The following CASK variants were observed in gnomAD, a reference collection of about 807,000 sequenced individuals.
CASK encodes the protein peripheral plasma membrane protein CASK.
In CASK, 4 loss-of-function variants were observed where a neutral mutation model predicts 82.9. That is an observed-to-expected ratio of 0.05 (90% CI 0.02 to 0.11). CASK has a LOEUF of 0.11. Among genes scored for constraint, CASK ranks in the 10% least tolerant of loss-of-function variants. The probability of loss-of-function intolerance (pLI) is 1.00; values close to 1 mark genes in which losing one functional copy is unlikely to be tolerated. For missense variants in CASK, 358 were observed against 720.9 expected (o/e 0.50, Z 5.76); for synonymous variants, 259 against 253.5 (o/e 1.02, Z -0.20).
intron 15 of CASK, among the ~76,000 whole-genome samples, chrX:41,577,048 C>T (rs769386579): frequency 8.9e-6 from 1 of 112,109 alleles, no homozygotes; most frequent in Non-Finnish European, 1.9e-5. Context: ...TTTTCTATAT[C>T]CTAATATCCC....
intron 1 of CASK, among the ~76,000 whole-genome samples, chrX:41,856,668 C>T (rs941408483): frequency 1.8e-5 from 2 of 109,199 alleles, no homozygotes; most frequent in East Asian, 5.8e-4. Context: ...TGGTGGCGGG[C>T]GCCTGTAGTC....
At chrX:41,658,590 G>A (rs1282428489) in intron 8 of CASK, among the ~76,000 whole-genome samples, 1 of 111,850 alleles carries the variant, frequency 8.9e-6, no homozygotes, top group Admixed American at 9.5e-5. Context: ...AGAAAAAGAG[G>A]AGGAGCAAGG....
At chrX:41,681,454 T>C (rs2067353284) in intron 5 of CASK, among the ~76,000 whole-genome samples, 1 of 112,105 alleles carries the variant, frequency 8.9e-6, no homozygotes. Flanking sequence ...CTCCCTCCTG[T>C]TGCTGTTGCA....
chrX:41,765,668 G>T (rs1389562565), intron 3 of CASK, among the ~76,000 whole-genome samples: 1 of 110,984 alleles, frequency 9.0e-6, no homozygotes, highest in East Asian at 2.8e-4. Flanking sequence ...AAGAAGGGGG[G>T]TGGCACAAAA....
At chrX:41,586,728 C>T (rs777683244) in intron 14 of CASK, 179 bp downstream of exon 14, 9 of 424,851 alleles carry the variant, frequency 2.1e-5, no homozygotes, top group Non-Finnish European at 3.3e-5. Flanking sequence ...ACAGTTGTGA[C>T]ACAAAGTAAA....
At chrX:41,875,696 AG>A (rs1384624908) in intron 1 of CASK, among the ~76,000 whole-genome samples, 4 of 72,865 alleles carry the variant, frequency 5.5e-5, no homozygotes, top group African/African-American at 2.1e-4. Flanking sequence ...ATAATGATGA[AG>A]AAAAAAAAAA....
At chrX:41,698,882 T>C (rs1328652535) in intron 5 of CASK, among the ~76,000 whole-genome samples, 1 of 111,402 alleles carries the variant, frequency 9.0e-6, no homozygotes, top group Non-Finnish European at 1.9e-5. Context: ...CAGAACTGAG[T>C]TTATTTTAAT....
At chrX:41,874,375 G>C (rs1195342) in intron 1 of CASK, among the ~76,000 whole-genome samples, 21,560 of 110,208 alleles carry the variant, frequency 0.2, 1,677 homozygotes, top group Middle Eastern at 0.3. Flanking sequence ...CCCTCCATGT[G>C]CATATGTTCT....
chrX:41,598,354 C>CT (rs2065851770), intron 12 of CASK, among the ~76,000 whole-genome samples: 1 of 110,012 alleles, frequency 9.1e-6, no homozygotes, highest in East Asian at 2.8e-4. Flanking sequence ...AAGTTTTTTT[C>CT]TTTTTTCTTT....
intron 5 of CASK, among the ~76,000 whole-genome samples, chrX:41,687,277 C>T (rs1199651479): frequency 8.9e-6 from 1 of 112,360 alleles, no homozygotes; most frequent in Non-Finnish European, 1.9e-5. Flanking sequence ...GCATTATTCA[C>T]ATTAGTCAAG....
At chrX:41,585,074 C>A (rs769713647) in intron 14 of CASK, 1 of 112,253 alleles carries the variant, frequency 8.9e-6, no homozygotes, top group Admixed American at 9.4e-5. Context: ...GGCAGGCCAG[C>A]AAGCATTAGA....
At chrX:41,675,520 A>G (rs1479369604) in intron 5 of CASK, among the ~76,000 whole-genome samples, 2 of 112,437 alleles carry the variant, frequency 1.8e-5, no homozygotes, top group African/African-American at 6.5e-5. Context: ...ACTTGTATAA[A>G]AATTCCACAT....
intron 12 of CASK, among the ~76,000 whole-genome samples, chrX:41,606,472 C>T (rs752742491): frequency 1.9e-4 from 21 of 111,547 alleles, no homozygotes; most frequent in Admixed American, 1.7e-3. Context: ...AGGCTGGTCT[C>T]GAACTCCTGA....
chrX:41,649,157 C>T (rs2066818489), intron 8 of CASK, among the ~76,000 whole-genome samples: 1 of 111,094 alleles, frequency 9.0e-6, no homozygotes, highest in Admixed American at 9.6e-5. Flanking sequence ...TCTTATTAGT[C>T]TTGCTAGCGG....
intron 2 of CASK, among the ~76,000 whole-genome samples, chrX:41,792,472 T>C (rs1206653476): frequency 2.7e-5 from 3 of 109,529 alleles, no homozygotes; most frequent in African/African-American, 6.7e-5. Context: ...AAATAGTTTA[T>C]AGAGACAGAG....
intron 5 of CASK, among the ~76,000 whole-genome samples, chrX:41,714,673 T>C (rs959404951): frequency 1.8e-5 from 2 of 111,615 alleles, no homozygotes; most frequent in African/African-American, 3.3e-5. Flanking sequence ...TACTGGGACT[T>C]TGCAGTAGAG....
Position 41,913,155 on chromosome X carries a change from G to A in CASK, c.59+9775C>T, listed in dbSNP as rs147525101. 3.1e-3 allele frequency among the ~76,000 whole-genome samples: 348 copies of A among 111,136 alleles called. 1 individual carries two copies. The highest frequency in any genetic ancestry group is 0.011 in the African/African-American group (326 of 30,578). ...GTGTGTCTGTTGGTTACCAAGTTAC[G>A]CAGAGGATATGTGCATGAGTGTGTG... is the stretch of plus-strand genomic sequence containing the variant. On this transcript the variant is annotated intron_variant, in intron 1 of 26. Coordinates refer to ENST00000378163, the MANE Select transcript of CASK (RefSeq NM_001367721.1).
At chrX:41,913,603 G>C (rs2072621962) in intron 1 of CASK, among the ~76,000 whole-genome samples, 1 of 112,065 alleles carries the variant, frequency 8.9e-6, no homozygotes, top group Non-Finnish European at 1.9e-5. Flanking sequence ...ACACATGGTA[G>C]AAAAGAATGT....
chrX:41,555,339 AC>A (rs1330134331), intron 20 of CASK, among the ~76,000 whole-genome samples: 1 of 111,692 alleles, frequency 9.0e-6, no homozygotes, highest in African/African-American at 3.2e-5. Flanking sequence ...GCCCACAGCC[AC>A]CCCCAAAGGC....
Sources: allele counts gnomAD v4.1 joint callset (sites outside exome capture counted in the v4.1 genomes callset), GRCh38; gene constraint gnomAD v4.1.1; transcripts MANE v1.5; gene names NCBI Gene and HGNC (gene_info 2026-07-23, HGNC 2026-07-21).